MAP2K4: variants seen among roughly 807,000 people sequenced by gnomAD.
MAP2K4 encodes mitogen-activated protein kinase kinase 4, also known as dual specificity mitogen-activated protein kinase kinase 4.
MAP2K4 carries 4 observed loss-of-function variants against 48.5 expected under a neutral mutation model. The observed-to-expected ratio is 0.08, with a 90% CI of 0.04 to 0.19. The LOEUF (loss-of-function observed/expected upper bound fraction) is 0.19. Among genes scored for constraint, MAP2K4 ranks in the 10% least tolerant of loss-of-function variants. The pLI is 1.00. For synonymous variants in MAP2K4, 166 were observed against 173.1 expected, an observed-to-expected ratio of 0.96 and a Z score of 0.32; for missense variants, 258 against 493.3, an observed-to-expected ratio of 0.52 and a Z score of 4.52.
At chr17:12,046,095 G>A (rs565864493) in intron 1 of MAP2K4, among the ~76,000 whole-genome samples, 1 of 152,300 alleles carries the variant, frequency 6.6e-6, no homozygotes, top group East Asian at 1.9e-4. Flanking sequence ...TCTTATTAAG[G>A]ACTGTGAAAG....
At chr17:12,121,857 T>C (rs1972704624) in intron 7 of MAP2K4, among the ~76,000 whole-genome samples, 1 of 152,228 alleles carries the variant, frequency 6.6e-6, no homozygotes, top group African/African-American at 2.4e-5. Context: ...GACATGCCTT[T>C]TTTTTAAGCA....
intron 7 of MAP2K4, among the ~76,000 whole-genome samples, chr17:12,115,301 T>G (rs1012241422): frequency 7.9e-5 from 12 of 152,198 alleles, no homozygotes; most frequent in African/African-American, 1.9e-4. Flanking sequence ...GAGAAGTGTG[T>G]TGTTAGGCAA....
chr17:12,132,067 T>A (rs1231477822), intron 9 of MAP2K4, among the ~76,000 whole-genome samples: 1 of 152,154 alleles, frequency 6.6e-6, no homozygotes, highest in African/African-American at 2.4e-5. Flanking sequence ...GACCACAGTT[T>A]AAAATACTGA....
rs774249977 is a variant in MAP2K4 at position 12,081,959 on chromosome 17, G to A, written c.393+429G>A. 7.5e-6 allele frequency: 4 copies of A among 533,436 alleles called. No homozygotes were observed. Among genetic ancestry groups the A allele is most frequent in the African/African-American group, 3.8e-5 (2 of 51,980 alleles). The allele number at this position is 533,436 out of a possible 1,614,324, so 33.0% of individuals were successfully genotyped here. The stretch of plus-strand genomic sequence containing the variant: ...TTACTGAAGGTTTCCTGGAAACCAC[G>A]CACATGCTGTTGCCACTAACCTCAA... On this transcript the variant is annotated intron_variant, in intron 3 of 10. Transcript: ENST00000353533. This position sits in a 1 kb window ranked among gnomAD's most constrained non-coding sequence, Gnocchi z 4.2.
At chr17:12,039,063 A>G (rs979158276) in intron 1 of MAP2K4, among the ~76,000 whole-genome samples, 9 of 152,186 alleles carry the variant, frequency 5.9e-5, no homozygotes, top group Non-Finnish European at 1.2e-4. Context: ...TCGTGTTGCT[A>G]TGAAGTTAGG....
intron 2 of MAP2K4, among the ~76,000 whole-genome samples, chr17:12,058,962 A>G (rs1034187885): frequency 1.3e-5 from 2 of 152,122 alleles, no homozygotes; most frequent in Non-Finnish European, 2.9e-5. Flanking sequence ...TTTGTGATAC[A>G]TTTTTATCTA....
intron 1 of MAP2K4, among the ~76,000 whole-genome samples, chr17:12,037,673 A>AG (rs1453808362): frequency 6.6e-6 from 1 of 152,144 alleles, no homozygotes; most frequent in Non-Finnish European, 1.5e-5. Context: ...TGAGACTTGT[A>AG]GGATTAGCCG....
chr17:12,130,363 ACAAT>A (rs1474077744), intron 9 of MAP2K4, among the ~76,000 whole-genome samples: 1 of 152,224 alleles, frequency 6.6e-6, no homozygotes, highest in Non-Finnish European at 1.5e-5. Flanking sequence ...CTTTTAAAAA[ACAAT>A]CAATTCTGTA....
At chr17:12,054,864 T>C (rs1160362760) in intron 1 of MAP2K4, 25 bp from the exon 2 acceptor site, 1 of 1,515,152 alleles carries the variant, frequency 6.6e-7, no homozygotes, top group Non-Finnish European at 9.2e-7. Context: ...CTTGAAACTT[T>C]TACTTTTTAT....
rs570356021 is a variant in MAP2K4, at chr17:12,063,316, A to T, written c.218+8325A>T. Among the ~76,000 whole-genome samples the T allele has an allele frequency of 2.0e-5, 3 of 152,292 alleles. No homozygotes were observed. In the East Asian group the frequency reaches 5.8e-4, roughly 29 times the overall value. On this transcript the variant is annotated intron_variant, in intron 2 of 10. Coordinates refer to ENST00000353533, the MANE Select transcript of MAP2K4 (RefSeq NM_003010.4). Reference sequence around the variant, plus strand: ...GGATAAACGAATAGATCAATGCAATATAATAGAAAGTCCAGTAGACAAACA... The same window carrying T: ...GGATAAACGAATAGATCAATGCAATTTAATAGAAAGTCCAGTAGACAAACA...
chr17:12,088,236 A>G (rs1000577354), intron 3 of MAP2K4, among the ~76,000 whole-genome samples: 12 of 151,804 alleles, frequency 7.9e-5, no homozygotes, highest in East Asian at 1.9e-4. Flanking sequence ...TCTGATGTCA[A>G]TCATTGACTA....
At chr17:12,135,296 A>G (rs903058465) in intron 9 of MAP2K4, among the ~76,000 whole-genome samples, 14 of 152,116 alleles carry the variant, frequency 9.2e-5, no homozygotes, top group African/African-American at 3.4e-4. Flanking sequence ...CATGTTGGTC[A>G]GGTTGGTCAG....
intron 3 of MAP2K4, among the ~76,000 whole-genome samples, chr17:12,092,765 G>GC (rs1193694117): frequency 3.9e-5 from 6 of 152,092 alleles, no homozygotes; most frequent in Non-Finnish European, 8.8e-5. Context: ...AGTGGCTCAC[G>GC]CCTGTAATCC....
intron 9 of MAP2K4, among the ~76,000 whole-genome samples, chr17:12,137,759 T>TC (rs777381013): frequency 7.9e-4 from 121 of 152,244 alleles, no homozygotes; most frequent in Non-Finnish European, 1.5e-3. Context: ...GAAAGTGAAG[T>TC]CTCTTTATCA....
At chr17:12,025,972 C>G (rs866188521) in intron 1 of MAP2K4, among the ~76,000 whole-genome samples, 1 of 152,034 alleles carries the variant, frequency 6.6e-6, no homozygotes, top group African/African-American at 2.4e-5. Context: ...AACTGCTTGC[C>G]CTTCCCAGTG....
intron 1 of MAP2K4, among the ~76,000 whole-genome samples, chr17:12,034,160 A>C (rs1363196195): frequency 6.6e-6 from 1 of 152,236 alleles, no homozygotes; most frequent in Non-Finnish European, 1.5e-5. Flanking sequence ...TGTAGATATA[A>C]AACAAGAGAA....
At chr17:12,054,676 A>T (rs1165893956) in intron 1 of MAP2K4, among the ~76,000 whole-genome samples, 2 of 152,158 alleles carry the variant, frequency 1.3e-5, no homozygotes, top group East Asian at 3.8e-4. Flanking sequence ...ATTGTATCAT[A>T]GCCTAGTGAA....
intron 2 of MAP2K4, among the ~76,000 whole-genome samples, chr17:12,073,611 C>T (rs1970892095): frequency 6.6e-6 from 1 of 152,098 alleles, no homozygotes; most frequent in Admixed American, 6.5e-5. Context: ...CTCTCCTTCT[C>T]TCAGCAGTTT....
chr17:12,139,821 AT>A lies in MAP2K4; in HGVS notation c.1041-13del. 1 of 1,555,982 alleles carries A rather than the reference AT, an allele frequency of 6.4e-7. No individual in the cohort carries two copies. Among genetic ancestry groups the A allele is most frequent in the Middle Eastern group, 1.7e-4 (1 of 5,720 alleles). ...AATGAATCTACATTTTAATAATGTT[AT>A]TTTTATGTTATTTTAGCCTTACGAA... On this transcript the variant is annotated splice_polypyrimidine_tract_variant and intron_variant, in intron 9 of 10. Transcript: ENST00000353533.
Sources: allele counts gnomAD v4.1 joint callset (sites outside exome capture counted in the v4.1 genomes callset), GRCh38; gene constraint gnomAD v4.1.1; non-coding constraint Gnocchi (gnomAD v3.1); transcripts MANE v1.5; gene names NCBI Gene and HGNC (gene_info 2026-07-23, HGNC 2026-07-21).